The following COL6A6 variants were observed in gnomAD, a reference collection of about 807,000 sequenced individuals.
COL6A6 encodes the protein collagen type VI alpha 6 chain.
COL6A6 carries 183 observed loss-of-function variants against 208.6 expected under a neutral mutation model. The ratio of observed to expected loss-of-function variants is 0.88; its 90% CI spans 0.78 to 0.99. COL6A6 has a LOEUF of 0.99. Among genes scored for constraint, COL6A6 ranks in the 50% least tolerant of loss-of-function variants. The pLI, the probability that COL6A6 is intolerant of heterozygous loss-of-function variation, is 0.00. For synonymous variants in COL6A6, 973 were observed against 1,011.8 expected (o/e 0.96, Z 0.73); for missense variants, 2,816 against 2,815.2 (o/e 1.00, Z -0.01).
rs1559800446 is a variant in COL6A6 at position 130,662,146 on chromosome 3, GC to G, written c.6342del (p.Leu2115TyrfsTer42). 6.2e-7 allele frequency: 1 copy of G among 1,614,028 alleles called. No individual in the cohort carries two copies. The highest frequency in any genetic ancestry group is 1.1e-5 in the South Asian group (1 of 91,082). ...CTTGCGAGCCAAATGTCAGGGATAT[GC>G]CTTATTTGTGTTTTCCCTTGGCCCT... ...ESLRAKCQGY[A>X]LFVFSLGPIW... On this transcript the variant is annotated frameshift_variant, in exon 35 of 37. Coordinates refer to ENST00000358511, the MANE Select transcript of COL6A6 (RefSeq NM_001102608.3). LOFTEE classifies it high-confidence loss of function.
At chr3:130,620,640 A>G (rs778258338) in intron 23 of COL6A6, among the ~76,000 whole-genome samples, 1 of 152,190 alleles carries the variant, frequency 6.6e-6, no homozygotes, top group Non-Finnish European at 1.5e-5. Flanking sequence ...TTATGGAAAG[A>G]TTCTTATCTT....
At chr3:130,582,943 C>A (rs1253470248) in intron 10 of COL6A6, among the ~76,000 whole-genome samples, 1 of 152,156 alleles carries the variant, frequency 6.6e-6, no homozygotes, top group East Asian at 1.9e-4. Flanking sequence ...CCAGAGCTTC[C>A]TGGGATCAGG....
At chr3:130,594,492 C>A in intron 18 of COL6A6, 149 bp downstream of exon 18, 1 of 626,142 alleles carries the variant, frequency 1.6e-6, no homozygotes, top group Non-Finnish European at 2.8e-6. Flanking sequence ...GGTACCTGTG[C>A]TAGATCCTCT....
intron 7 of COL6A6, among the ~76,000 whole-genome samples, chr3:130,573,114 G>C (rs1305123170): frequency 6.6e-6 from 1 of 152,194 alleles, no homozygotes; most frequent in Non-Finnish European, 1.5e-5. Flanking sequence ...AAACTGACTA[G>C]ATACAGACCA....
intron 28 of COL6A6, among the ~76,000 whole-genome samples, chr3:130,636,549 T>C (rs1342010071): frequency 1.3e-5 from 2 of 152,162 alleles, no homozygotes; most frequent in East Asian, 1.9e-4. Context: ...ATCATGTCAA[T>C]TAGCAAGAAT....
chr3:130,525,265 C>T (rs1405841532), intron 1 of COL6A6, among the ~76,000 whole-genome samples: 3 of 152,128 alleles, frequency 2.0e-5, no homozygotes, highest in African/African-American at 4.8e-5. Context: ...AATTTAGATT[C>T]CTGGATGCTC....
intron 11 of COL6A6, 37 bp from the exon 12 acceptor site, chr3:130,589,053 A>G (rs755510364): frequency 1.3e-5 from 20 of 1,530,282 alleles, no homozygotes; most frequent in Non-Finnish European, 1.8e-5. Flanking sequence ...GGGAAGCAAT[A>G]CCACCAAATG....
rs115164350 is a variant in COL6A6, at chr3:130,576,106, C to T, written c.3547+1581C>T. 1.2e-3 allele frequency among the ~76,000 whole-genome samples: 186 copies of T among 152,270 alleles called. 1 individual carries two copies. The highest frequency in any genetic ancestry group is 3.7e-3 in the African/African-American group (155 of 41,572). On this transcript the variant is annotated intron_variant, in intron 8 of 36. Coordinates refer to ENST00000358511, the MANE Select transcript of COL6A6 (RefSeq NM_001102608.3). ...AGCTCCATGGTCAACAATAACATAT[C>T]GATTGCCCTAATAAAAACTGGGAAT...
intron 24 of COL6A6, among the ~76,000 whole-genome samples, 165 bp from the exon 25 acceptor site, chr3:130,626,320 A>T (rs976505901): frequency 6.6e-6 from 1 of 152,224 alleles, no homozygotes; most frequent in African/African-American, 2.4e-5. Context: ...TTCACTGATC[A>T]ATGGAGGACA....
chr3:130,539,798 G>A (rs1246760670), intron 1 of COL6A6, among the ~76,000 whole-genome samples: 1 of 152,038 alleles, frequency 6.6e-6, no homozygotes, highest in East Asian at 1.9e-4. Flanking sequence ...CATCTCAGTG[G>A]GACAAATACT....
Position 130,565,169 on chromosome 3 carries a change from G to A in COL6A6, c.837G>A (p.Val279=). 6.2e-7 allele frequency: 1 copy of A among 1,613,990 alleles called. No individual in the cohort carries two copies. Among genetic ancestry groups the A allele is most frequent in the South Asian group, 1.1e-5 (1 of 91,082 alleles). ...GLVAYSNETK[V]INSLSMGINK... ...TGGCCTATAGCAATGAGACAAAAGTGATAAATTCACTGAGCATGGGCATAA... is the reference window on the plus strand; with the variant it reads ...TGGCCTATAGCAATGAGACAAAAGTAATAAATTCACTGAGCATGGGCATAA... Residue 279 remains valine, a synonymous_variant, in exon 4 of 37, where the codon GTG becomes GTA. Transcript: ENST00000358511.
chr3:130,569,176 T>C (rs1029202814), intron 6 of COL6A6, among the ~76,000 whole-genome samples: 20 of 152,208 alleles, frequency 1.3e-4, no homozygotes, highest in Non-Finnish European at 2.1e-4. Flanking sequence ...GACCTACACA[T>C]CTACTATATA....
chr3:130,583,776 T>C (rs941795989), intron 10 of COL6A6, among the ~76,000 whole-genome samples: 3 of 152,186 alleles, frequency 2.0e-5, no homozygotes, highest in Admixed American at 1.3e-4. Flanking sequence ...GGTTTTGTTT[T>C]TTTCTTTAAT....
Position 130,626,504 on chromosome 3 carries a change from G to T in COL6A6, c.4898G>T (p.Gly1633Val). 1.2e-6 allele frequency: 2 copies of T among 1,613,390 alleles called. No individual in the cohort carries two copies. Among genetic ancestry groups the T allele is most frequent in the Non-Finnish European group, 1.7e-6 (2 of 1,179,330 alleles). ...TAACAGGGAGAACCTGGAGATCTGG[G>T]AGAAAAAGGAGCTGTTGGCTTTCCT... ...QGNKGEPGDL[G>V]EKGAVGFPGP... Residue 1633 changes from glycine (G) to valine (V), a missense_variant, in exon 25 of 37, where the codon GGA becomes GTA. Gly to Val is a moderately radical substitution (Grantham distance 109). Transcript: ENST00000358511.
intron 1 of COL6A6, among the ~76,000 whole-genome samples, chr3:130,540,968 T>C (rs1421283674): frequency 6.6e-6 from 1 of 152,208 alleles, no homozygotes; most frequent in Non-Finnish European, 1.5e-5. Flanking sequence ...AGTGAACATA[T>C]GTGTGCATAT....
intron 29 of COL6A6, among the ~76,000 whole-genome samples, chr3:130,642,555 G>A (rs1383229663): frequency 6.6e-6 from 1 of 152,176 alleles, no homozygotes; most frequent in African/African-American, 2.4e-5. Flanking sequence ...CTCCATCCTG[G>A]TAATTCTGGA....
intron 24 of COL6A6, among the ~76,000 whole-genome samples, chr3:130,622,277 G>A (rs578230008): frequency 3.7e-5 from 5 of 135,480 alleles, no homozygotes; most frequent in African/African-American, 1.4e-4. Flanking sequence ...CCAAGGCACT[G>A]TACTGAGCGT....
intron 1 of COL6A6, among the ~76,000 whole-genome samples, chr3:130,529,601 A>G (rs1200606973): frequency 6.6e-6 from 1 of 152,080 alleles, no homozygotes; most frequent in Admixed American, 6.5e-5. Context: ...GCCTCACCTC[A>G]TTACAATCAC....
In COL6A6 at chr3:130,566,923, G is replaced by C. The variant is rs1179430114; in HGVS notation, c.1504G>C (p.Ala502Pro). 1 of 1,613,810 alleles carries C rather than the reference G, an allele frequency of 6.2e-7. No homozygotes were observed. The highest frequency in any genetic ancestry group is 1.3e-5 in the African/African-American group (1 of 74,924). ...CTCCAACAAGCAGGATTTGGGAAAGGCCATTGAGAATATCAGGCAGATGGG... is the reference window on the plus strand; with the variant it reads ...CTCCAACAAGCAGGATTTGGGAAAGCCCATTGAGAATATCAGGCAGATGGG... The part of the protein sequence containing the change: ...KYSNKQDLGK[A>P]IENIRQMGGN... Residue 502 changes from alanine to proline, a missense_variant, in exon 5 of 37, where the codon GCC becomes CCC. Physicochemically the swap from Ala to Pro is conservative, Grantham distance 27. Transcript: ENST00000358511.
Sources: gnomAD v4.1 joint callset for allele counts (sites outside exome capture counted in the v4.1 genomes callset) on GRCh38, gnomAD v4.1.1 for gene constraint, MANE v1.5 for transcripts, NCBI Gene and HGNC (gene_info 2026-07-23, HGNC 2026-07-21) for gene names.